ZNRF3: variants seen among roughly 807,000 people sequenced by gnomAD.
ZNRF3 encodes the protein E3 ubiquitin-protein ligase ZNRF3.
Under a neutral mutation model 72.5 loss-of-function variants are expected in ZNRF3, and 23 were observed. The observed-to-expected ratio is 0.32, with a 90% CI of 0.23 to 0.45. The LOEUF (loss-of-function observed/expected upper bound fraction) is 0.45, where lower values mean the gene tolerates loss of function less well. Among genes scored for constraint, ZNRF3 ranks in the 20% least tolerant of loss-of-function variants. The pLI is 1.00. For synonymous variants in ZNRF3, 610 were observed against 545.3 expected (o/e 1.12, Z -1.65); for missense variants, 1,169 against 1,272.1 (o/e 0.92, Z 1.23).
In ZNRF3 at chr22:29,056,971, A is replaced by G. The variant is rs971171998; in HGVS notation, c.*3349A>G. 6.6e-6 allele frequency: 1 copy of G among 152,236 alleles called. No homozygotes were observed. The highest frequency in any genetic ancestry group is 2.4e-5 in the African/African-American group (1 of 41,462). 9.4% of individuals were successfully genotyped at this position (152,236 alleles called of 1,614,324 possible). A position where few individuals can be genotyped will look rare whatever the true frequency, so the allele number is the denominator to read the frequency against. ...TAAAAAATAATTACTAGTCGAGACT[A>G]TTATTCTTTAAACAGAACTGCCTTT... On this transcript the variant is annotated 3_prime_UTR_variant, in exon 9 of 9. Coordinates refer to ENST00000544604, the MANE Select transcript of ZNRF3 (RefSeq NM_001206998.2).
chr22:28,986,675 GC>G (rs763234875), intron 1 of ZNRF3: 163 of 984,402 alleles, frequency 1.7e-4, no homozygotes, highest in Non-Finnish European at 1.9e-4. Context: ...AAGTCTAGAA[GC>G]CAAACAATCT....
At chr22:29,023,048 C>A (rs867153862) in intron 2 of ZNRF3, among the ~76,000 whole-genome samples, 7 of 152,134 alleles carry the variant, frequency 4.6e-5, no homozygotes, top group Admixed American at 3.3e-4. Flanking sequence ...TTAAAAAATT[C>A]TTTCCTTAAA....
intron 1 of ZNRF3, among the ~76,000 whole-genome samples, chr22:28,916,148 C>G (rs2034403932): frequency 6.6e-6 from 1 of 152,126 alleles, no homozygotes; most frequent in Admixed American, 6.5e-5. Context: ...TGCAGCCTCC[C>G]CCTCCTGGGC....
At chr22:28,886,503 C>T (rs1415359616) in intron 1 of ZNRF3, among the ~76,000 whole-genome samples, 2 of 152,142 alleles carry the variant, frequency 1.3e-5, no homozygotes, top group Non-Finnish European at 2.9e-5. Flanking sequence ...AGAGATGATG[C>T]TATGCTGAAG....
Position 29,049,957 on chromosome 22 carries a change from C to A in ZNRF3, c.1776C>A (p.Ser592Arg). The change falls in exon 8 of 9, where the codon AGC becomes AGA. Residue 592 changes from serine (S) to arginine (R), a missense_variant. This residue lies in a region of ZNRF3 where 783 missense variants were observed against 731.4 expected (regional missense o/e 1.07). Coordinates refer to ENST00000544604, the MANE Select transcript of ZNRF3 (RefSeq NM_001206998.2). This position sits in a 1 kb window ranked among gnomAD's most constrained non-coding sequence, Gnocchi z 5.2. ...SCSTFRSSLS[S>R]DYDPFIYRSR... is the part of the protein sequence containing the mutation. The stretch of plus-strand genomic sequence containing the variant: ...CCACCTTCCGCAGCTCCCTCAGCAG[C>A]GACTATGACCCCTTCATCTACCGCA... 1 of 1,611,946 alleles carries A rather than the reference C, an allele frequency of 6.2e-7. No homozygotes were observed.
intron 1 of ZNRF3, among the ~76,000 whole-genome samples, chr22:28,970,767 T>C (rs1234220174): frequency 3.9e-5 from 6 of 152,172 alleles, no homozygotes; most frequent in Non-Finnish European, 8.8e-5. Context: ...AAAGAGTGCA[T>C]GATACATCAT....
rs141848661 is a variant in ZNRF3, at chr22:28,922,805, G to A, written c.300+38739G>A. ...GGCATGTTCCGCCACAGCTGTGGGT[G>A]GAATCATGCTTGTGCCCCCATATAA... On this transcript the variant is annotated intron_variant, in intron 1 of 8. Coordinates refer to ENST00000544604, the MANE Select transcript of ZNRF3 (RefSeq NM_001206998.2). 3.5e-4 allele frequency among the ~76,000 whole-genome samples: 53 copies of A among 152,270 alleles called. No homozygotes were observed. The East Asian group carries it at 7.9e-3, about 23-fold the overall frequency.
At position 28,893,081 on chromosome 22, in the gene ZNRF3, G is replaced by A. The variant is rs143426245; in HGVS notation, c.300+9015G>A. On this transcript the variant is annotated intron_variant, in intron 1 of 8. Transcript: ENST00000544604. ...ACTCGGGAGGCTGAGGCAGGAGAAT[G>A]GTGTGAACCCGGCAGGTGGAGCTTG... is the stretch of plus-strand genomic sequence containing the variant. Among the ~76,000 whole-genome samples the A allele has an allele frequency of 3.0e-3, 461 of 152,064 alleles. 19 individuals carry two copies. The East Asian group carries it at 0.067, about 22-fold the overall frequency.
chr22:28,883,833 C>T lies in ZNRF3; in HGVS notation c.67C>T (p.Pro23Ser). 4.1e-6 allele frequency: 4 copies of T among 978,826 alleles called. No individual in the cohort carries two copies. The highest frequency in any genetic ancestry group is 3.6e-6 in the Non-Finnish European group (3 of 827,270). 60.6% of individuals were successfully genotyped at this position (978,826 alleles called of 1,614,324 possible). A position where few individuals can be genotyped will look rare whatever the true frequency, so the allele number is the denominator to read the frequency against. Residue 23 changes from proline to serine, a missense_variant, in exon 1 of 9, where the codon CCC becomes TCC. By Grantham distance (74) the Pro-to-Ser change is moderately conservative (BLOSUM62 -1). Around this residue, in one of 2 missense-constraint regions of ZNRF3, gnomAD observed 386 missense variants for 540.7 expected, o/e 0.71. Transcript: ENST00000544604. This position sits in a 1 kb window ranked among gnomAD's most constrained non-coding sequence, Gnocchi z 5.5. Reference protein sequence around the residue: ...GRRRRRLRRRPRGLRCSRLPP... With the variant: ...GRRRRRLRRRSRGLRCSRLPP... Reference sequence around the variant, plus strand: ...CCGCCGCCGCCGCCTGCGCCGCCGCCCCCGCGGCCTCCGGTGCAGCCGCCT... The same window carrying T: ...CCGCCGCCGCCGCCTGCGCCGCCGCTCCCGCGGCCTCCGGTGCAGCCGCCT...
chr22:29,033,237 A>G (rs186360801), intron 2 of ZNRF3, among the ~76,000 whole-genome samples: 51 of 152,032 alleles, frequency 3.4e-4, no homozygotes, highest in African/African-American at 1.2e-3. Context: ...TGTAATCCCA[A>G]CTACTCGGGA....
At chr22:29,038,210 G>A (rs2036898737) in intron 2 of ZNRF3, among the ~76,000 whole-genome samples, 2 of 152,106 alleles carry the variant, frequency 1.3e-5, no homozygotes, top group Admixed American at 1.3e-4. Flanking sequence ...ATAATATTCT[G>A]GTCTACACTT....
chr22:29,048,941 G>T lies in ZNRF3; in HGVS notation c.1016-256G>T, dbSNP rs1042294606. Among the ~76,000 whole-genome samples, 24 of 152,182 alleles carry T rather than the reference G, an allele frequency of 1.6e-4. No individual in the cohort carries two copies. Among genetic ancestry groups the T allele is most frequent in the Admixed American group, 1.4e-3 (22 of 15,282 alleles). On this transcript the variant is annotated intron_variant, in intron 7 of 8. Coordinates refer to ENST00000544604, the MANE Select transcript of ZNRF3 (RefSeq NM_001206998.2). The surrounding 1 kb of genome is among the most constrained non-coding windows in gnomAD (Gnocchi z 4.9). The stretch of plus-strand genomic sequence containing the variant: ...TCTTTGAATCCGATTCTTTTCTGCA[G>T]ACTTCTGTGGTGCCCTGTCAGGCAG...
chr22:28,903,399 CT>C (rs2034146094), intron 1 of ZNRF3, among the ~76,000 whole-genome samples: 2 of 152,212 alleles, frequency 1.3e-5, no homozygotes, highest in African/African-American at 4.8e-5. Context: ...AGCCTGTGCT[CT>C]GGGGGCCTAA....
rs945320929 is a variant in ZNRF3 at position 29,054,369 on chromosome 22, T to G, written c.*747T>G. On this transcript the variant is annotated 3_prime_UTR_variant, in exon 9 of 9. Coordinates refer to ENST00000544604, the MANE Select transcript of ZNRF3 (RefSeq NM_001206998.2). ...GAAAGCTCCAGGGTGATGGGGACGATTCTGCCCAGTGTCCTCAGTCTGTCC... is the reference window on the plus strand; with the variant it reads ...GAAAGCTCCAGGGTGATGGGGACGAGTCTGCCCAGTGTCCTCAGTCTGTCC... 6.6e-6 allele frequency: 1 copy of G among 152,358 alleles called. No individual in the cohort carries two copies. Among genetic ancestry groups the G allele is most frequent in the Admixed American group, 6.5e-5 (1 of 15,278 alleles). 9.4% of individuals were successfully genotyped at this position (152,358 alleles called of 1,614,324 possible). A position where few individuals can be genotyped will look rare whatever the true frequency, so the allele number is the denominator to read the frequency against.
Position 28,960,317 on chromosome 22 carries a change from GT to G in ZNRF3, c.301-26754del, listed in dbSNP as rs558430453. Among the ~76,000 whole-genome samples the G allele has an allele frequency of 7.5e-3, 1,136 of 152,276 alleles. 18 individuals are homozygous for G. Among genetic ancestry groups the G allele is most frequent in the African/African-American group, 0.026 (1,098 of 41,526 alleles). On this transcript the variant is annotated intron_variant, in intron 1 of 8. Transcript: ENST00000544604. ...AAATCCTAAGTGTACTGTCTCATGG[GT>G]TTTTAATAAATGAGTCCCTTTGTGA...
At position 29,039,144 on chromosome 22, in the gene ZNRF3, C is replaced by T. The variant is rs558820144; in HGVS notation, c.427-3351C>T. On this transcript the variant is annotated intron_variant, in intron 2 of 8. Coordinates refer to ENST00000544604, the MANE Select transcript of ZNRF3 (RefSeq NM_001206998.2). ...ACCATGTCCTAGATTTTGTGAAAAA[C>T]GTCTTTTGTGTCTCTCAAATGGATC... Among the ~76,000 whole-genome samples, 50 of 152,270 alleles carry T rather than the reference C, an allele frequency of 3.3e-4. No homozygotes were observed. In the South Asian group the frequency reaches 7.7e-3, roughly 23 times the overall value.
At chr22:28,995,314 A>AG (rs765769223) in intron 2 of ZNRF3, among the ~76,000 whole-genome samples, 16 of 152,154 alleles carry the variant, frequency 1.1e-4, no homozygotes, top group Non-Finnish European at 1.0e-4. Flanking sequence ...GGCGCCTGTA[A>AG]TCCCAGCTAC....
At chr22:29,038,248 G>A (rs948935012) in intron 2 of ZNRF3, among the ~76,000 whole-genome samples, 2 of 152,058 alleles carry the variant, frequency 1.3e-5, no homozygotes, top group African/African-American at 4.8e-5. Flanking sequence ...AATGATCTGT[G>A]AGAGTGATTG....
chr22:28,890,157 C>T (rs1176108367), intron 1 of ZNRF3, among the ~76,000 whole-genome samples: 2 of 152,198 alleles, frequency 1.3e-5, no homozygotes, highest in Admixed American at 1.3e-4. Flanking sequence ...GAAAGGATAG[C>T]TCTCTCTCTG....
Sources: allele counts gnomAD v4.1 joint callset (sites outside exome capture counted in the v4.1 genomes callset), GRCh38; gene constraint gnomAD v4.1.1; regional missense constraint gnomAD v4.1.1; non-coding constraint Gnocchi (gnomAD v3.1); transcripts MANE v1.5; gene names NCBI Gene and HGNC (gene_info 2026-07-23, HGNC 2026-07-21).